DCDC1: variants seen among roughly 807,000 people sequenced by gnomAD.
DCDC1 encodes doublecortin domain containing 1, also known as doublecortin domain-containing protein 1.
Under a neutral mutation model 178.3 loss-of-function variants are expected in DCDC1, and 200 were observed. That is an observed-to-expected ratio of 1.12 (90% CI 1.00 to 1.26). DCDC1 has a LOEUF of 1.26. Ranked by LOEUF, DCDC1 falls within the 50% of genes most tolerant of loss-of-function variation. The pLI is 0.00. For synonymous variants in DCDC1, 690 were observed against 604.8 expected (o/e 1.14, Z -2.07); for missense variants, 1,983 against 1,749.2 (o/e 1.13, Z -2.38).
chr11:31,073,899 A>C (rs1004951234), intron 18 of DCDC1, among the ~76,000 whole-genome samples: 1 of 152,202 alleles, frequency 6.6e-6, no homozygotes, highest in Non-Finnish European at 1.5e-5. Context: ...TTTTATATTT[A>C]AATTGTATCA....
intron 17 of DCDC1, among the ~76,000 whole-genome samples, chr11:31,089,769 T>G (rs918845180): frequency 6.6e-6 from 1 of 152,182 alleles, no homozygotes; most frequent in Admixed American, 6.6e-5. Flanking sequence ...TTTAATCTCT[T>G]GAAATTTGAG....
At chr11:31,114,094 T>A (rs1227715178) in intron 11 of DCDC1, among the ~76,000 whole-genome samples, 1 of 152,124 alleles carries the variant, frequency 6.6e-6, no homozygotes, top group Non-Finnish European at 1.5e-5. Context: ...CATACCAAAA[T>A]GGCTAGTACT....
At chr11:31,237,958 T>C (rs1251864671) in intron 9 of DCDC1, among the ~76,000 whole-genome samples, 1 of 152,048 alleles carries the variant, frequency 6.6e-6, no homozygotes, top group Non-Finnish European at 1.5e-5. Context: ...CATGATATAA[T>C]AGATACTCAT....
At chr11:31,246,266 C>T (rs563345415) in intron 8 of DCDC1, among the ~76,000 whole-genome samples, 48 of 152,124 alleles carry the variant, frequency 3.2e-4, no homozygotes, top group African/African-American at 1.1e-3. Flanking sequence ...GTAATTTTCA[C>T]ATTTCAGTCA....
chr11:30,915,845 A>T (rs562723778), intron 26 of DCDC1, 134 bp from the exon 27 acceptor site: 2 of 808,220 alleles, frequency 2.5e-6, no homozygotes, highest in South Asian at 3.4e-5. Context: ...ATGATAGACC[A>T]TATCATTAGA....
At chr11:31,280,689 T>A (rs1030360631) in intron 7 of DCDC1, 11 of 541,188 alleles carry the variant, frequency 2.0e-5, no homozygotes, top group Non-Finnish European at 3.1e-5. Flanking sequence ...GTAGCTTTTT[T>A]AAGACAAGCT....
chr11:30,978,782 ACACACACACACACACACACAC>A (rs1950232917), intron 20 of DCDC1, among the ~76,000 whole-genome samples: 1 of 38,666 alleles, frequency 2.6e-5, no homozygotes, highest in Non-Finnish European at 7.9e-5. Context: ...CCCCCTCAAC[ACACACACACACACACACACAC>A]ACACACACAC....
At chr11:30,945,715 TC>T (rs1947984631) in intron 21 of DCDC1, among the ~76,000 whole-genome samples, 1 of 145,244 alleles carries the variant, frequency 6.9e-6, no homozygotes, top group African/African-American at 2.8e-5. Context: ...TATCTATCTA[TC>T]TATCTATCTA....
chr11:31,001,481 G>A (rs1219902572), intron 20 of DCDC1, among the ~76,000 whole-genome samples: 2 of 152,090 alleles, frequency 1.3e-5, no homozygotes, highest in Non-Finnish European at 2.9e-5. Context: ...TCCCTATCCA[G>A]GGCTGCAGTT....
chr11:31,269,902 G>T (rs143498549), intron 7 of DCDC1, among the ~76,000 whole-genome samples: 1 of 152,220 alleles, frequency 6.6e-6, no homozygotes, highest in Non-Finnish European at 1.5e-5. Context: ...AGAACCTCTG[G>T]GTTGCCACTA....
chr11:30,920,977 A>G (rs1430426215), intron 24 of DCDC1, 42 bp from the exon 25 acceptor site: 1 of 1,558,862 alleles, frequency 6.4e-7, no homozygotes, highest in African/African-American at 1.4e-5. Context: ...ATTACTTACA[A>G]TTGCAGAGCA....
chr11:30,890,365 T>C (rs1943665690), intron 36 of DCDC1, among the ~76,000 whole-genome samples: 1 of 152,200 alleles, frequency 6.6e-6, no homozygotes, highest in African/African-American at 2.4e-5. Context: ...TATATTTACA[T>C]GGGTGTCCCT....
chr11:31,139,446 C>T (rs1284790152), intron 9 of DCDC1, among the ~76,000 whole-genome samples: 1 of 152,198 alleles, frequency 6.6e-6, no homozygotes, highest in Non-Finnish European at 1.5e-5. Flanking sequence ...ACATATTGGT[C>T]TCAAGCATCT....
At chr11:31,004,655 CT>C (rs1951744558) in intron 20 of DCDC1, among the ~76,000 whole-genome samples, 1 of 143,864 alleles carries the variant, frequency 7.0e-6, no homozygotes, top group Non-Finnish European at 1.5e-5. Context: ...GCACTCCAGC[CT>C]GGGTGACAGA....
intron 36 of DCDC1, chr11:30,883,103 A>G (rs767113884): frequency 6.5e-6 from 1 of 152,678 alleles, no homozygotes; most frequent in Non-Finnish European, 1.5e-5. Flanking sequence ...ATTAGTATCC[A>G]CCTTTTGTTG....
chr11:31,004,469 C>G (rs778705396), intron 20 of DCDC1, among the ~76,000 whole-genome samples: 1 of 149,316 alleles, frequency 6.7e-6, no homozygotes, highest in African/African-American at 2.5e-5. Flanking sequence ...GTCAGGAGAT[C>G]GAGACCATCC....
chr11:30,913,737 C>T (rs1326718498), intron 27 of DCDC1, among the ~76,000 whole-genome samples: 1 of 152,226 alleles, frequency 6.6e-6, no homozygotes. Flanking sequence ...CATGACCCAA[C>T]ATCTCATAGA....
intron 23 of DCDC1, among the ~76,000 whole-genome samples, chr11:30,924,922 A>G (rs1284591043): frequency 6.6e-6 from 1 of 152,086 alleles, no homozygotes; most frequent in Non-Finnish European, 1.5e-5. Flanking sequence ...AAATACAAAA[A>G]ATCAGCTAGG....
intron 36 of DCDC1, among the ~76,000 whole-genome samples, chr11:30,891,322 T>TA (rs1943751650): frequency 6.6e-6 from 1 of 152,190 alleles, no homozygotes; most frequent in Non-Finnish European, 1.5e-5. Context: ...GATCATGGAA[T>TA]AAGAGTCATG....
Sources: gnomAD v4.1 joint callset for allele counts (sites outside exome capture counted in the v4.1 genomes callset) on GRCh38, gnomAD v4.1.1 for gene constraint, MANE v1.5 for transcripts, NCBI Gene and HGNC (gene_info 2026-07-23, HGNC 2026-07-21) for gene names.